The following KPNA1 variants were observed in gnomAD, a reference collection of about 807,000 sequenced individuals.
The protein encoded by KPNA1 is importin subunit alpha-5.
A neutral mutation model predicts 70.5 loss-of-function variants in KPNA1; 10 were observed. The ratio of observed to expected loss-of-function variants is 0.14; its 90% CI spans 0.09 to 0.24. KPNA1 has a LOEUF of 0.24. Ranked by LOEUF, KPNA1 falls within the 10% of genes least tolerant of loss-of-function variation. KPNA1 has a pLI of 1.00. For missense variants in KPNA1, 397 were observed against 637.9 expected, an observed-to-expected ratio of 0.62 and a Z score of 4.07; for synonymous variants, 192 against 221.9, an observed-to-expected ratio of 0.87 and a Z score of 1.20.
At chr3:122,474,335 A>T (rs996077288) in intron 2 of KPNA1, among the ~76,000 whole-genome samples, 3 of 152,192 alleles carry the variant, frequency 2.0e-5, no homozygotes, top group Admixed American at 2.0e-4. Flanking sequence ...TATCACCAAG[A>T]TGATTCTAAA....
At chr3:122,427,813 T>TAAA in intron 12 of KPNA1, 97 bp from the exon 13 acceptor site, 10 of 579,418 alleles carry the variant, frequency 1.7e-5, no homozygotes, top group South Asian at 4.6e-5. Flanking sequence ...TGCAGAGACT[T>TAAA]AAAAAAAAAA....
At chr3:122,430,175 G>C (rs1394797327) in intron 12 of KPNA1, among the ~76,000 whole-genome samples, 1 of 151,706 alleles carries the variant, frequency 6.6e-6, no homozygotes, top group East Asian at 1.9e-4. Flanking sequence ...CTTTTGTTTT[G>C]TAAATCTGTA....
chr3:122,492,722 G>A (rs1223786107), intron 2 of KPNA1, among the ~76,000 whole-genome samples: 1 of 152,166 alleles, frequency 6.6e-6, no homozygotes, highest in Non-Finnish European at 1.5e-5. Context: ...GAAGCAGCAG[G>A]AGACTCAACT....
At chr3:122,470,440 G>A (rs1396232691) in intron 2 of KPNA1, among the ~76,000 whole-genome samples, 1 of 151,846 alleles carries the variant, frequency 6.6e-6, no homozygotes, top group Non-Finnish European at 1.5e-5. Context: ...TGAACCCGGG[G>A]GGTGGAGCTT....
intron 1 of KPNA1, among the ~76,000 whole-genome samples, chr3:122,511,087 ACCT>A: frequency 6.6e-6 from 1 of 152,258 alleles, no homozygotes; most frequent in East Asian, 1.9e-4. Flanking sequence ...ACACGTAATC[ACCT>A]CCTCAAAATG....
At chr3:122,509,743 A>T (rs1210041201) in intron 1 of KPNA1, among the ~76,000 whole-genome samples, 2 of 152,230 alleles carry the variant, frequency 1.3e-5, no homozygotes, top group Non-Finnish European at 2.9e-5. Context: ...TTTAAGATAA[A>T]AATTTAAAGG....
rs1312724766 is a variant in KPNA1, at chr3:122,422,776, G to C, written c.*4209C>G. 1 of 152,178 alleles carries C rather than the reference G, an allele frequency of 6.6e-6. No homozygotes were observed. The highest frequency in any genetic ancestry group is 1.5e-5 in the Non-Finnish European group (1 of 68,044). 9.4% of individuals were successfully genotyped at this position (152,178 alleles called of 1,614,324 possible). A position where few individuals can be genotyped will look rare whatever the true frequency, so the allele number is the denominator to read the frequency against. On this transcript the variant is annotated 3_prime_UTR_variant, in exon 14 of 14. Transcript: ENST00000344337. The stretch of plus-strand genomic sequence containing the variant: ...ATTTGGAAGACTACATGAGAAAAAA[G>C]GAAAGCCCTTAGCCAGGTATCTGGT...
chr3:122,426,973 C>A lies in KPNA1; in HGVS notation c.*12G>T. 6.2e-7 allele frequency: 1 copy of A among 1,611,332 alleles called. No individual in the cohort carries two copies. Among genetic ancestry groups the A allele is most frequent in the Non-Finnish European group, 8.5e-7 (1 of 1,177,734 alleles). On this transcript the variant is annotated 3_prime_UTR_variant, in exon 14 of 14. Transcript: ENST00000344337. The stretch of plus-strand genomic sequence containing the variant: ...CTGGTCTGACACAGGTACGTGAAAG[C>A]AGAGTATTGCTTCAAAGCTGGAAAC...
chr3:122,471,667 C>T (rs1305300594), intron 2 of KPNA1, among the ~76,000 whole-genome samples: 1 of 152,094 alleles, frequency 6.6e-6, no homozygotes, highest in African/African-American at 2.4e-5. Context: ...CATAGCAAAA[C>T]CCCATCTCTA....
At chr3:122,506,613 G>C (rs1036788309) in intron 1 of KPNA1, among the ~76,000 whole-genome samples, 10 of 152,198 alleles carry the variant, frequency 6.6e-5, no homozygotes, top group African/African-American at 2.2e-4. Context: ...AGCTTTTCCT[G>C]TGAGAAGTCA....
intron 11 of KPNA1, among the ~76,000 whole-genome samples, chr3:122,435,365 G>A (rs565325892): frequency 1.3e-5 from 2 of 152,050 alleles, no homozygotes; most frequent in Non-Finnish European, 2.9e-5. Context: ...GTCCACTTGA[G>A]TTACTCTCCC....
At chr3:122,478,943 T>C (rs1248647419) in intron 2 of KPNA1, among the ~76,000 whole-genome samples, 3 of 104,620 alleles carry the variant, frequency 2.9e-5, no homozygotes, top group African/African-American at 6.9e-5. Context: ...TCCTAAAAGG[T>C]AATACAGGGG....
chr3:122,467,791 A>G (rs964033778), intron 2 of KPNA1, among the ~76,000 whole-genome samples: 11 of 152,182 alleles, frequency 7.2e-5, no homozygotes, highest in African/African-American at 2.7e-4. Flanking sequence ...CAATGTACCA[A>G]GGAAAATGAA....
At chr3:122,461,375 T>A in intron 4 of KPNA1, 57 bp from the exon 5 acceptor site, 1 of 1,188,090 alleles carries the variant, frequency 8.4e-7, no homozygotes. Flanking sequence ...TGCAAGAACT[T>A]AACAGCTCAA....
At chr3:122,501,507 C>T (rs1432098208) in intron 1 of KPNA1, among the ~76,000 whole-genome samples, 3 of 152,106 alleles carry the variant, frequency 2.0e-5, no homozygotes, top group African/African-American at 7.2e-5. Flanking sequence ...TTAACTTACA[C>T]ATATTGGTGA....
chr3:122,452,750 A>G (rs72958433), intron 6 of KPNA1, among the ~76,000 whole-genome samples: 54 of 146,062 alleles, frequency 3.7e-4, no homozygotes, highest in African/African-American at 1.3e-3. Context: ...AAGGAGAGAC[A>G]GAGGGAAGGA....
In KPNA1 at chr3:122,440,156, T is replaced by C. The variant is rs115195606; in HGVS notation, c.996+1882A>G. 9.2e-3 allele frequency among the ~76,000 whole-genome samples: 1,403 copies of C among 152,258 alleles called. 22 individuals carry two copies. The highest frequency in any genetic ancestry group is 0.03 in the African/African-American group (1,267 of 41,548). ...TTTACAGAGGCACAGAAATAAACAC[T>C]GACATAATCCACCTCTAGAATCTTA... On this transcript the variant is annotated intron_variant, in intron 10 of 13. Coordinates refer to ENST00000344337, the MANE Select transcript of KPNA1 (RefSeq NM_002264.4).
At chr3:122,489,581 T>C (rs1252988388) in intron 2 of KPNA1, among the ~76,000 whole-genome samples, 1 of 152,236 alleles carries the variant, frequency 6.6e-6, no homozygotes, top group Non-Finnish European at 1.5e-5. Context: ...AGTCTTTTTT[T>C]ATCTTCCATG....
chr3:122,501,977 CTTA>C (rs1311092855), intron 1 of KPNA1, among the ~76,000 whole-genome samples: 2 of 152,144 alleles, frequency 1.3e-5, no homozygotes, highest in Non-Finnish European at 2.9e-5. Flanking sequence ...AGCAGAGCTC[CTTA>C]TTATGCTAAA....
Sources: gnomAD v4.1 joint callset for allele counts (sites outside exome capture counted in the v4.1 genomes callset) on GRCh38, gnomAD v4.1.1 for gene constraint, MANE v1.5 for transcripts, NCBI Gene and HGNC (gene_info 2026-07-23, HGNC 2026-07-21) for gene names.